The following PBRM1 variants were observed in gnomAD, a reference collection of about 807,000 sequenced individuals.
PBRM1 encodes the protein protein polybromo-1.
In PBRM1, 27 loss-of-function variants were observed where a neutral mutation model predicts 194.5. That is an observed-to-expected ratio of 0.14 (90% CI 0.10 to 0.19). PBRM1 has a LOEUF of 0.19. Among genes scored for constraint, PBRM1 ranks in the 10% least tolerant of loss-of-function variants. The pLI, the probability that PBRM1 is intolerant of heterozygous loss-of-function variation, is 1.00. For synonymous variants in PBRM1, 655 were observed against 693.2 expected, an observed-to-expected ratio of 0.94 and a Z score of 0.87; for missense variants, 1,466 against 2,077.2, an observed-to-expected ratio of 0.71 and a Z score of 5.72.
At chr3:52,548,355 G>A in intron 29 of PBRM1, 120 bp from the exon 32 acceptor site, 1 of 575,928 alleles carries the variant, frequency 1.7e-6, no homozygotes, top group South Asian at 3.1e-5. Flanking sequence ...TAAATATTAT[G>A]AATTTTAACT....
At chr3:52,647,685 T>G (rs2096362366) in intron 7 of PBRM1, among the ~76,000 whole-genome samples, 1 of 151,704 alleles carries the variant, frequency 6.6e-6, no homozygotes, top group Admixed American at 6.6e-5. Flanking sequence ...ACAAAATGGA[T>G]AAACCCTGAA....
At chr3:52,576,511 A>T (rs373056636) in intron 22 of PBRM1, 30 bp downstream of exon 24, 2 of 1,559,672 alleles carry the variant, frequency 1.3e-6, no homozygotes, top group African/African-American at 1.4e-5. Context: ...TGGAATAAAC[A>T]CGATTAAATA....
intron 7 of PBRM1, among the ~76,000 whole-genome samples, chr3:52,647,429 GAAAAAAAAAAAAAA>G (rs71637569): frequency 6.7e-5 from 3 of 44,488 alleles, no homozygotes; most frequent in South Asian, 1.4e-3. Flanking sequence ...GTATCAAAGA[GAAAAAAAAAAAAAA>G]AAAAAAAAAA....
At chr3:52,678,646 G>A (rs374106069) in intron 1 of PBRM1, 49 bp from the exon 3 acceptor site, 2 of 1,162,804 alleles carry the variant, frequency 1.7e-6, no homozygotes, top group Non-Finnish European at 2.6e-6. Context: ...TGAACAGAAA[G>A]CCAGTGTAGA....
intron 16 of PBRM1, among the ~76,000 whole-genome samples, chr3:52,606,049 G>GAGTAC (rs1576592737): frequency 6.6e-6 from 1 of 152,038 alleles, no homozygotes; most frequent in East Asian, 1.9e-4. Flanking sequence ...GCCCAGGCTG[G>GAGTAC]AGTACAGTGG....
chr3:52,685,907 C>CA, upstream of PBRM1: 1 of 645,084 alleles, frequency 1.6e-6, no homozygotes, highest in East Asian at 2.8e-5. Flanking sequence ...GGTGCCGCCG[C>CA]AAAACCAGTC....
At chr3:52,681,252 A>G (rs937100271), upstream of PBRM1, 1 of 151,950 alleles carries the variant, frequency 6.6e-6, no homozygotes, top group African/African-American at 2.4e-5. Flanking sequence ...AGAAGGAGCA[A>G]AAGAATCACA....
At chr3:52,571,411 A>C (rs1248683304) in intron 22 of PBRM1, among the ~76,000 whole-genome samples, 4 of 151,394 alleles carry the variant, frequency 2.6e-5, no homozygotes, top group African/African-American at 9.7e-5. Context: ...GTGGATCACG[A>C]GGTCAGGAGA....
intron 17 of PBRM1, among the ~76,000 whole-genome samples, chr3:52,602,314 C>G (rs551767331): frequency 5.9e-5 from 9 of 152,340 alleles, no homozygotes; most frequent in Non-Finnish European, 1.2e-4. Context: ...TCCTCTCTTT[C>G]TATAGCCAAT....
At position 52,606,284 on chromosome 3, in the gene PBRM1, C is replaced by T. The variant is rs141358521; in HGVS notation, c.2568-2552G>A. Among the ~76,000 whole-genome samples the T allele has an allele frequency of 4.0e-4, 61 of 152,260 alleles. 1 individual carries two copies. In the East Asian group the frequency reaches 0.011, roughly 27 times the overall value. Reference sequence around the variant, plus strand: ...TTGGGCTCCAAAAGTGCTGGGATTACAGGTGTGAGCCACTGTACCTGGCCC... The same window carrying T: ...TTGGGCTCCAAAAGTGCTGGGATTATAGGTGTGAGCCACTGTACCTGGCCC... On this transcript the variant is annotated intron_variant, in intron 16 of 29. Transcript: ENST00000296302.
intron 3 of PBRM1, among the ~76,000 whole-genome samples, chr3:52,664,734 A>T (rs953150446): frequency 2.0e-5 from 3 of 146,774 alleles, no homozygotes; most frequent in African/African-American, 7.4e-5. Context: ...ACTCTATCAC[A>T]AAAAAAAAAA....
chr3:52,647,486 A>ATATATG (rs1420389741), intron 7 of PBRM1, among the ~76,000 whole-genome samples: 166 of 121,490 alleles, frequency 1.4e-3, no homozygotes, highest in Non-Finnish European at 2.5e-3. Context: ...ATATATATAT[A>ATATATG]TATGTAGTAT....
chr3:52,612,390 TCAC>T (rs1444705112), intron 15 of PBRM1, among the ~76,000 whole-genome samples: 2 of 150,520 alleles, frequency 1.3e-5, no homozygotes, highest in Middle Eastern at 3.4e-3. Context: ...TTATAAAGTA[TCAC>T]CACCAAGGTG....
At chr3:52,634,430 C>T (rs553873321) in intron 11 of PBRM1, among the ~76,000 whole-genome samples, 172 bp downstream of exon 12, 9 of 127,830 alleles carry the variant, frequency 7.0e-5, no homozygotes, top group South Asian at 5.0e-4. Context: ...ACTGAGACTC[C>T]GTCTCAAAAA....
chr3:52,591,409 A>G (rs2093021457), intron 17 of PBRM1, among the ~76,000 whole-genome samples: 3 of 150,082 alleles, frequency 2.0e-5, no homozygotes, highest in Non-Finnish European at 1.5e-5. Context: ...GATGGCTCTT[A>G]TTATTTAGAA....
chr3:52,546,911 G>A (rs1245335900), downstream of PBRM1: 8 of 233,142 alleles, frequency 3.4e-5, no homozygotes, highest in East Asian at 4.9e-4. Flanking sequence ...ATTTCTGGTT[G>A]AGAATTATAA....
At chr3:52,586,345 T>C (rs1231886654) in intron 20 of PBRM1, 80 bp downstream of exon 22, 2 of 1,227,054 alleles carry the variant, frequency 1.6e-6, no homozygotes, top group African/African-American at 3.0e-5. Context: ...TTTTCTAAGT[T>C]TGAATACTTT....
chr3:52,555,516 G>A (rs1433290304), intron 26 of PBRM1, among the ~76,000 whole-genome samples: 1 of 152,096 alleles, frequency 6.6e-6, no homozygotes, highest in Non-Finnish European at 1.5e-5. Context: ...TCCTTCTTTA[G>A]ATCTAAAAAT....
chr3:52,638,635 C>T (rs2095925529), intron 10 of PBRM1, among the ~76,000 whole-genome samples: 1 of 151,920 alleles, frequency 6.6e-6, no homozygotes, highest in South Asian at 2.1e-4. Flanking sequence ...GTTCTGTTGC[C>T]AAGGCTAGAG....
Sources: gnomAD v4.1 joint callset for allele counts (sites outside exome capture counted in the v4.1 genomes callset) on GRCh38, gnomAD v4.1.1 for gene constraint, MANE v1.5 for transcripts, NCBI Gene and HGNC (gene_info 2026-07-23, HGNC 2026-07-21) for gene names.